TTC28: variants seen among roughly 807,000 people sequenced by gnomAD.
TTC28 encodes the protein tetratricopeptide repeat domain 28.
Under a neutral mutation model 198.0 loss-of-function variants are expected in TTC28, and 61 were observed. That is an observed-to-expected ratio of 0.31 (90% CI 0.25 to 0.38). The LOEUF is 0.38. Among genes scored for constraint, TTC28 ranks in the 10% least tolerant of loss-of-function variants. TTC28 has a pLI of 1.00. For missense variants in TTC28, 2,678 were observed against 3,164.0 expected (o/e 0.85, Z 3.69); for synonymous variants, 1,171 against 1,297.8 (o/e 0.90, Z 2.10).
At chr22:28,308,662 CA>C (rs2045192270) in intron 2 of TTC28, among the ~76,000 whole-genome samples, 1 of 152,026 alleles carries the variant, frequency 6.6e-6, no homozygotes, top group South Asian at 2.1e-4. Flanking sequence ...CACAGGAGCT[CA>C]AGGAGAAGGT....
intron 2 of TTC28, among the ~76,000 whole-genome samples, chr22:28,618,613 C>T (rs1156497716): frequency 4.1e-5 from 6 of 147,628 alleles, no homozygotes; most frequent in Admixed American, 1.4e-4. Flanking sequence ...ACCTGGGAAG[C>T]ACAGGTTGCA....
intron 2 of TTC28, among the ~76,000 whole-genome samples, chr22:28,321,790 G>A (rs1403048378): frequency 6.6e-6 from 1 of 152,074 alleles, no homozygotes; most frequent in Admixed American, 6.6e-5. Flanking sequence ...TGACAATACT[G>A]GACTTTTTAA....
intron 2 of TTC28, among the ~76,000 whole-genome samples, chr22:28,524,564 T>G (rs1221828864): frequency 6.6e-6 from 1 of 151,774 alleles, no homozygotes; most frequent in Admixed American, 6.6e-5. Flanking sequence ...TCACTTGAGC[T>G]CAGGAGTTCA....
intron 6 of TTC28, among the ~76,000 whole-genome samples, chr22:28,143,235 G>A (rs1943384041): frequency 6.6e-6 from 1 of 152,174 alleles, no homozygotes; most frequent in South Asian, 2.1e-4. Flanking sequence ...ACGGAAGAAT[G>A]ACAGAATGAA....
chr22:28,179,441 T>C (rs1003840337), intron 5 of TTC28, among the ~76,000 whole-genome samples: 1 of 152,140 alleles, frequency 6.6e-6, no homozygotes, highest in African/African-American at 2.4e-5. Context: ...ATTAAAGGCA[T>C]GAGGCACCGC....
In TTC28 at chr22:28,500,647, T is replaced by A. The variant is rs75022989; in HGVS notation, c.381+128905A>T. Among the ~76,000 whole-genome samples, 8 of 152,306 alleles carry A rather than the reference T, an allele frequency of 5.3e-5. No homozygotes were observed. The East Asian group carries it at 1.5e-3, about 29-fold the overall frequency. ...TCTTGCTAGGACATAGCTAATTACA[T>A]TAAAGACTACGATATGCAGAAAGCT... is the stretch of plus-strand genomic sequence containing the variant. On this transcript the variant is annotated intron_variant, in intron 2 of 22. Coordinates refer to ENST00000397906, the MANE Select transcript of TTC28 (RefSeq NM_001145418.2).
rs1169293908 is a variant in TTC28 at position 27,981,613 on chromosome 22, T to G, written c.*608A>C. The G allele has an allele frequency of 6.6e-6, 1 of 152,102 alleles. No individual in the cohort carries two copies. Among genetic ancestry groups the G allele is most frequent in the Non-Finnish European group, 1.5e-5 (1 of 68,028 alleles). The allele number at this position is 152,102 out of a possible 1,614,324, so 9.4% of individuals were successfully genotyped here. ...GTTCAGAATGGAAGCGCTGTTTCAA[T>G]GTGAATTATTGCATTGTTGCTGAGA... On this transcript the variant is annotated 3_prime_UTR_variant, in exon 23 of 23. Coordinates refer to ENST00000397906, the MANE Select transcript of TTC28 (RefSeq NM_001145418.2).
intron 6 of TTC28, among the ~76,000 whole-genome samples, chr22:28,149,473 T>C (rs1157650552): frequency 2.0e-5 from 3 of 152,226 alleles, no homozygotes; most frequent in Non-Finnish European, 2.9e-5. Flanking sequence ...ACCTAGGGAA[T>C]GCTATGCTAA....
chr22:28,481,856 C>T (rs1438951360), intron 2 of TTC28, among the ~76,000 whole-genome samples: 1 of 152,122 alleles, frequency 6.6e-6, no homozygotes, highest in Non-Finnish European at 1.5e-5. Flanking sequence ...GGAAGGATTT[C>T]AGCTGTGATG....
chr22:28,341,120 C>T (rs527664305), intron 2 of TTC28, among the ~76,000 whole-genome samples: 1 of 152,264 alleles, frequency 6.6e-6, no homozygotes, highest in East Asian at 1.9e-4. Context: ...TCTCTAAGGT[C>T]AAAAGAATAC....
At chr22:28,232,775 T>G (rs1341452925) in intron 5 of TTC28, 3 of 152,174 alleles carry the variant, frequency 2.0e-5, no homozygotes, top group African/African-American at 7.2e-5. Context: ...GTTCCTTTGA[T>G]GACATCACAT....
intron 5 of TTC28, among the ~76,000 whole-genome samples, chr22:28,220,215 G>A (rs1927750778): frequency 6.6e-6 from 1 of 152,238 alleles, no homozygotes; most frequent in South Asian, 2.1e-4. Flanking sequence ...CATTTAGCCA[G>A]AACAGATATT....
chr22:28,048,350 G>A (rs899203331), intron 12 of TTC28, among the ~76,000 whole-genome samples: 1 of 152,088 alleles, frequency 6.6e-6, no homozygotes, highest in Non-Finnish European at 1.5e-5. Flanking sequence ...CCAGAAGCTA[G>A]CAAGTGTCTA....
chr22:28,430,036 A>ATT (rs919396993), intron 2 of TTC28, among the ~76,000 whole-genome samples: 4,983 of 109,928 alleles, frequency 0.045, 190 homozygotes, highest in East Asian at 0.063. Flanking sequence ...CTGGAATATG[A>ATT]TTTTTTTTTT....
chr22:28,120,050 A>G (rs1942743310), intron 6 of TTC28, among the ~76,000 whole-genome samples: 1 of 152,228 alleles, frequency 6.6e-6, no homozygotes, highest in South Asian at 2.1e-4. Flanking sequence ...ATGATTATTA[A>G]TAAGGGAGAG....
At chr22:28,611,451 T>A (rs2050816516) in intron 2 of TTC28, among the ~76,000 whole-genome samples, 1 of 151,402 alleles carries the variant, frequency 6.6e-6, no homozygotes. Flanking sequence ...CATAATTTCA[T>A]ATCCAGCCAA....
intron 12 of TTC28, among the ~76,000 whole-genome samples, 162 bp downstream of exon 12, chr22:28,093,918 T>C (rs1941892416): frequency 6.6e-6 from 1 of 152,144 alleles, no homozygotes; most frequent in Non-Finnish European, 1.5e-5. Flanking sequence ...GGGCTTACAC[T>C]CCAGAGACAC....
At chr22:28,444,197 C>A (rs778076372) in intron 2 of TTC28, among the ~76,000 whole-genome samples, 28 of 152,102 alleles carry the variant, frequency 1.8e-4, no homozygotes, top group Non-Finnish European at 3.8e-4. Context: ...CCTAAACCAC[C>A]ATAAAGCTGT....
At chr22:28,076,709 T>G (rs1941181394) in intron 12 of TTC28, among the ~76,000 whole-genome samples, 1 of 152,222 alleles carries the variant, frequency 6.6e-6, no homozygotes, top group South Asian at 2.1e-4. Flanking sequence ...TGCAAGTAGC[T>G]GGGACTTCAG....
Sources: allele counts gnomAD v4.1 joint callset (sites outside exome capture counted in the v4.1 genomes callset), GRCh38; gene constraint gnomAD v4.1.1; transcripts MANE v1.5; gene names NCBI Gene and HGNC (gene_info 2026-07-23, HGNC 2026-07-21).